The following PALM2AKAP2 variants were observed in gnomAD, a reference collection of about 807,000 sequenced individuals.
PALM2AKAP2 encodes the protein PALM2-AKAP2 fusion protein.
A neutral mutation model predicts 71.5 loss-of-function variants in PALM2AKAP2; 37 were observed. The ratio of observed to expected loss-of-function variants is 0.52; its 90% confidence interval spans 0.40 to 0.68. The LOEUF (loss-of-function observed/expected upper bound fraction) is 0.68, where lower values mean the gene tolerates loss of function less well. Ranked by LOEUF, PALM2AKAP2 falls within the 30% of genes least tolerant of loss-of-function variation. PALM2AKAP2 has a pLI of 0.00. For synonymous variants in PALM2AKAP2, 468 were observed against 478.8 expected (o/e 0.98, Z 0.29); for missense variants, 1,224 against 1,191.8 (o/e 1.03, Z -0.40).
chr9:109,742,382 G>T (rs1020455378), intron 1 of PALM2AKAP2, among the ~76,000 whole-genome samples: 1 of 152,168 alleles, frequency 6.6e-6, no homozygotes, highest in Middle Eastern at 3.4e-3. Context: ...TAAAAGCCAA[G>T]CCTCAGAAGA....
At chr9:109,919,868 A>C (rs1276095718) in intron 3 of PALM2AKAP2, among the ~76,000 whole-genome samples, 1 of 152,114 alleles carries the variant, frequency 6.6e-6, no homozygotes, top group Non-Finnish European at 1.5e-5. Flanking sequence ...GCTTAAACCC[A>C]AAGTCATTTA....
intron 6 of PALM2AKAP2, among the ~76,000 whole-genome samples, chr9:109,960,840 G>A (rs1202589078): frequency 6.6e-6 from 1 of 152,182 alleles, no homozygotes; most frequent in Non-Finnish European, 1.5e-5. Flanking sequence ...AGCAAGTTTA[G>A]CAGCAGAATC....
At chr9:109,807,559 C>CTT (rs11398626) in intron 1 of PALM2AKAP2, among the ~76,000 whole-genome samples, 87 of 140,446 alleles carry the variant, frequency 6.2e-4, no homozygotes, top group African/African-American at 1.1e-3. Context: ...TCTCTGGGAC[C>CTT]TTTTTTTTTT....
intron 6 of PALM2AKAP2, chr9:109,945,962 C>G (rs559368243): frequency 6.6e-6 from 1 of 152,208 alleles, no homozygotes; most frequent in Non-Finnish European, 1.5e-5. Context: ...TCTCTCTATA[C>G]TTTTATTAGT....
chr9:110,050,459 T>G (rs1773545788), intron 1 of PALM2AKAP2, among the ~76,000 whole-genome samples: 1 of 152,198 alleles, frequency 6.6e-6, no homozygotes, highest in African/African-American at 2.4e-5. Flanking sequence ...ATGAATACAA[T>G]TTCATAATAA....
rs182379704 is a variant in PALM2AKAP2 at position 109,647,182 on chromosome 9, C to A, written c.5+6316C>A. Among the ~76,000 whole-genome samples, 335 of 152,232 alleles carry A rather than the reference C, an allele frequency of 2.2e-3. 2 individuals carry two copies. Among genetic ancestry groups the A allele is most frequent in the African/African-American group, 7.7e-3 (320 of 41,528 alleles). On this transcript the variant is annotated intron_variant, in intron 1 of 6. Coordinates refer to the PALM2AKAP2 transcript ENST00000374531. ...AAATCATACCACATATGTTGTTCTG[C>A]AGCTTGCTTTTTCCACTTCATATTA...
At chr9:109,920,252 T>C (rs1212402743) in intron 3 of PALM2AKAP2, among the ~76,000 whole-genome samples, 1 of 152,142 alleles carries the variant, frequency 6.6e-6, no homozygotes, top group African/African-American at 2.4e-5. Flanking sequence ...GTGTAACCCA[T>C]CTACCATAAG....
At chr9:109,724,555 A>C (rs1384833373) in intron 1 of PALM2AKAP2, among the ~76,000 whole-genome samples, 2 of 152,208 alleles carry the variant, frequency 1.3e-5, no homozygotes, top group African/African-American at 2.4e-5. Flanking sequence ...GAACAGAGTC[A>C]AGTATCTAAA....
chr9:109,904,114 C>T (rs973446326), intron 3 of PALM2AKAP2, among the ~76,000 whole-genome samples: 2 of 152,182 alleles, frequency 1.3e-5, no homozygotes, highest in African/African-American at 4.8e-5. Context: ...GAAGCACAAA[C>T]ATTTGAATAG....
At chr9:110,076,492 C>CATATAT (rs149836822) in intron 1 of PALM2AKAP2, among the ~76,000 whole-genome samples, 2,618 of 106,696 alleles carry the variant, frequency 0.025, 399 homozygotes, top group African/African-American at 0.1. Context: ...ATATATTCTA[C>CATATAT]ATATATATAT....
intron 6 of PALM2AKAP2, among the ~76,000 whole-genome samples, chr9:110,008,329 G>A (rs1243296490): frequency 6.6e-6 from 1 of 151,946 alleles, no homozygotes; most frequent in Non-Finnish European, 1.5e-5. Flanking sequence ...TGGGCACAGT[G>A]GAAACAGAGA....
chr9:109,928,774 C>T (rs948115604), intron 5 of PALM2AKAP2, among the ~76,000 whole-genome samples: 1 of 151,734 alleles, frequency 6.6e-6, no homozygotes, highest in Non-Finnish European at 1.5e-5. Flanking sequence ...AGGGTTCAAG[C>T]GATTCTCCTG....
chr9:109,985,949 C>T (rs12685700), intron 6 of PALM2AKAP2, among the ~76,000 whole-genome samples: 19,065 of 152,146 alleles, frequency 0.13, 1,547 homozygotes, highest in East Asian at 0.25. Context: ...TGCACCCGGC[C>T]TTTGAGTTTT....
At chr9:110,071,648 CTGTGCAA>C (rs1834210308) in intron 1 of PALM2AKAP2, among the ~76,000 whole-genome samples, 1 of 152,186 alleles carries the variant, frequency 6.6e-6, no homozygotes, top group Non-Finnish European at 1.5e-5. Flanking sequence ...AAGAATCTTC[CTGTGCAA>C]TGATTGCTCT....
At chr9:109,651,307 C>T (rs1827222944) in intron 1 of PALM2AKAP2, among the ~76,000 whole-genome samples, 1 of 152,212 alleles carries the variant, frequency 6.6e-6, no homozygotes, top group Non-Finnish European at 1.5e-5. Flanking sequence ...AGCAGCCCTT[C>T]CTACTGCTAC....
intron 6 of PALM2AKAP2, among the ~76,000 whole-genome samples, chr9:110,003,527 C>T (rs945822522): frequency 2.0e-5 from 3 of 152,134 alleles, no homozygotes; most frequent in African/African-American, 7.2e-5. Context: ...GTGGAGAGTT[C>T]TGTAGATGTC....
intron 6 of PALM2AKAP2, among the ~76,000 whole-genome samples, chr9:109,972,557 T>C (rs1216585521): frequency 4.6e-5 from 7 of 152,218 alleles, no homozygotes; most frequent in Admixed American, 3.9e-4. Context: ...GGATGACCTT[T>C]AGCGTATTCT....
At chr9:109,841,376 GT>G (rs1278092976) in intron 1 of PALM2AKAP2, among the ~76,000 whole-genome samples, 4 of 134,188 alleles carry the variant, frequency 3.0e-5, no homozygotes, top group Non-Finnish European at 6.3e-5. Context: ...TGGGGTGGGG[GT>G]AGGGGGGAGG....
At chr9:109,755,227 A>G (rs1281184223) in intron 1 of PALM2AKAP2, among the ~76,000 whole-genome samples, 1 of 152,016 alleles carries the variant, frequency 6.6e-6, no homozygotes, top group Non-Finnish European at 1.5e-5. Context: ...ACACTCCTCC[A>G]ACAGCTTCTC....
Sources: gnomAD v4.1 joint callset for allele counts (sites outside exome capture counted in the v4.1 genomes callset) on GRCh38, gnomAD v4.1.1 for gene constraint, MANE v1.5 for transcripts, NCBI Gene and HGNC (gene_info 2026-07-23, HGNC 2026-07-21) for gene names.